The following ATP2C2 variants were observed in gnomAD, a reference collection of about 807,000 sequenced individuals.
ATP2C2 encodes the protein calcium-transporting ATPase type 2C member 2.
ATP2C2 carries 171 observed loss-of-function variants against 110.8 expected under a neutral mutation model. The ratio of observed to expected loss-of-function variants is 1.54; its 90% CI spans 1.36 to 1.75. The LOEUF (loss-of-function observed/expected upper bound fraction) is 1.75, where lower values mean the gene tolerates loss of function less well. ATP2C2 is among the 40% of genes most tolerant of loss of function. ATP2C2 has a pLI of 0.00. For synonymous variants in ATP2C2, 804 were observed against 508.4 expected (o/e 1.58, Z -7.82); for missense variants, 1,963 against 1,235.0 (o/e 1.59, Z -8.84).
chr16:84,443,603 A>T (rs1909469207), intron 15 of ATP2C2, among the ~76,000 whole-genome samples: 1 of 151,904 alleles, frequency 6.6e-6, no homozygotes, highest in Non-Finnish European at 1.5e-5. Flanking sequence ...CTTTCTCTTC[A>T]AGTTCACTCC....
In ATP2C2 at chr16:84,442,591, G is replaced by A. The variant is rs1272442871; in HGVS notation, c.1393G>A (p.Ala465Thr). ...QPTEGALMAL[A>T]MKMDLSDIKN... ...CACCGAGGGTGCATTGATGGCCCTG[G>A]CGATGAAGGTAGGAGGTCCTGGGGT... Residue 465 changes from alanine (A) to threonine (T), a missense_variant, in exon 15 of 27, where the codon GCG becomes ACG. Coordinates refer to ENST00000262429, the MANE Select transcript of ATP2C2 (RefSeq NM_014861.4). 3.1e-6 allele frequency: 5 copies of A among 1,614,036 alleles called. No homozygotes were observed. In the East Asian group the frequency reaches 8.9e-5, roughly 29 times the overall value.
intron 1 of ATP2C2, among the ~76,000 whole-genome samples, chr16:84,395,153 G>A (rs1290649631): frequency 6.6e-6 from 1 of 152,140 alleles, no homozygotes; most frequent in Non-Finnish European, 1.5e-5. Context: ...AGCTGGGAGT[G>A]TGTAGGTGGC....
chr16:84,400,861 G>A (rs544956400), intron 2 of ATP2C2, among the ~76,000 whole-genome samples: 28 of 152,306 alleles, frequency 1.8e-4, no homozygotes, highest in South Asian at 8.3e-4. Flanking sequence ...CCATTCATAT[G>A]TCTTCTTTTG....
chr16:84,382,268 G>C (rs912325260), intron 1 of ATP2C2, among the ~76,000 whole-genome samples: 1 of 152,180 alleles, frequency 6.6e-6, no homozygotes. Flanking sequence ...AGTTTGCTGA[G>C]AATGATGGTT....
intron 2 of ATP2C2, among the ~76,000 whole-genome samples, chr16:84,402,392 G>A (rs1249055881): frequency 6.6e-6 from 1 of 152,132 alleles, no homozygotes; most frequent in Non-Finnish European, 1.5e-5. Context: ...TATCCTACGG[G>A]AAAAGCTTTC....
At chr16:84,458,498 A>T (rs1158403667) in intron 21 of ATP2C2, among the ~76,000 whole-genome samples, 19 of 5,818 alleles carry the variant, frequency 3.3e-3, no homozygotes, top group South Asian at 0.025. Flanking sequence ...AGTATAATAA[A>T]AAAAAAAAAA....
intron 20 of ATP2C2, among the ~76,000 whole-genome samples, chr16:84,454,132 T>G (rs171578): frequency 1 from 151,976 of 152,280 alleles, 75,838 homozygotes; most frequent in Middle Eastern, 1. Context: ...CTTTATTCCT[T>G]TTACTCAACT....
rs202116937 is a variant in ATP2C2, at chr16:84,461,780, G to T, written c.2548G>T (p.Asp850Tyr). The change falls in exon 25 of 27, where the codon GAT becomes TAT. Residue 850 changes from aspartate (D) to tyrosine (Y), a missense_variant. By Grantham distance (160) the Asp-to-Tyr change is radical (BLOSUM62 -3). Coordinates refer to ENST00000262429, the MANE Select transcript of ATP2C2 (RefSeq NM_014861.4). ...TMTFTCFVFF[D>Y]LFNALTCRSQ... ...GACGTTCACTTGTTTTGTGTTTTTC[G>T]ATCTCTTCAACGCCTTGACCTGCCG... 10 of 1,614,034 alleles carry T rather than the reference G, an allele frequency of 6.2e-6. No homozygotes were observed. In the African/African-American group the frequency reaches 6.7e-5, roughly 11 times the overall value.
chr16:84,462,365 T>C (rs951324340), intron 26 of ATP2C2: 1 of 502,738 alleles, frequency 2.0e-6, no homozygotes, highest in Non-Finnish European at 3.4e-6. Flanking sequence ...TAGTAGGGTC[T>C]GGGGCCCAAG....
intron 16 of ATP2C2, 88 bp from the exon 17 acceptor site, chr16:84,448,445 C>G: frequency 6.9e-7 from 1 of 1,458,594 alleles, no homozygotes; most frequent in Non-Finnish European, 9.3e-7. Flanking sequence ...CCGTGTGTGT[C>G]TTTGTAACCT....
chr16:84,461,668 G>T (rs1303736234), intron 24 of ATP2C2, 46 bp from the exon 25 acceptor site: 2 of 1,559,816 alleles, frequency 1.3e-6, no homozygotes, highest in Non-Finnish European at 1.8e-6. Context: ...CAGGATGGAG[G>T]TTGTCTCTTC....
In ATP2C2 at chr16:84,431,420, T is replaced by C. The variant is rs1468181568; in HGVS notation, c.986+5619T>C. On this transcript the variant is annotated intron_variant, in intron 11 of 26. Transcript: ENST00000262429. ...CTGAGGCAGGAGAATCGCTTGAACT[T>C]GGGAGGCAGAGGTTGCAGTGAGCCG... is the stretch of plus-strand genomic sequence containing the variant. 2.6e-5 allele frequency among the ~76,000 whole-genome samples: 4 copies of C among 151,862 alleles called. No homozygotes were observed. In the East Asian group the frequency reaches 7.7e-4, roughly 29 times the overall value.
chr16:84,436,425 G>A (rs1003024037), intron 11 of ATP2C2, among the ~76,000 whole-genome samples: 2 of 152,142 alleles, frequency 1.3e-5, no homozygotes, highest in African/African-American at 4.8e-5. Flanking sequence ...TGGCCCCAGG[G>A]CCTGGACCGG....
rs993561803 is a variant in ATP2C2 at position 84,461,643 on chromosome 16, C to T, written c.2482-71C>T. The T allele has an allele frequency of 2.9e-6, 4 of 1,382,586 alleles. No individual in the cohort carries two copies. In the East Asian group the frequency reaches 6.8e-5, roughly 24 times the overall value. The allele number at this position is 1,382,586 out of a possible 1,614,324, so 85.6% of individuals were successfully genotyped here. A position where few individuals can be genotyped will look rare whatever the true frequency, so the allele number is the denominator to read the frequency against. ...ATGCCCCAGGAGCAGTGAGGCAGGC[C>T]TGTGCCCTTTGGTTCAGGATGGAGG... On this transcript the variant is annotated intron_variant, in intron 24 of 26. Coordinates refer to ENST00000262429, the MANE Select transcript of ATP2C2 (RefSeq NM_014861.4).
chr16:84,393,961 G>A (rs939964612), intron 1 of ATP2C2, among the ~76,000 whole-genome samples: 1 of 149,462 alleles, frequency 6.7e-6, no homozygotes, highest in East Asian at 2.0e-4. Context: ...TTCAAGACCA[G>A]CCTGGGCAAC....
Position 84,449,001 on chromosome 16 carries a change from C to G in ATP2C2, c.1660+312C>G, listed in dbSNP as rs973420024. Among the ~76,000 whole-genome samples, 12 of 152,242 alleles carry G rather than the reference C, an allele frequency of 7.9e-5. No individual in the cohort carries two copies. In the East Asian group the frequency reaches 1.9e-3, roughly 24 times the overall value. ...CCCAATAGGTCTTTTTGCTCATTGCCTCTTGTCAGGAAAACCCGAAGTTCT... is the reference window on the plus strand; with the variant it reads ...CCCAATAGGTCTTTTTGCTCATTGCGTCTTGTCAGGAAAACCCGAAGTTCT... On this transcript the variant is annotated intron_variant, in intron 17 of 26. Transcript: ENST00000262429.
intron 17 of ATP2C2, among the ~76,000 whole-genome samples, chr16:84,449,901 G>A (rs1910101056): frequency 6.6e-6 from 1 of 152,234 alleles, no homozygotes; most frequent in Admixed American, 6.5e-5. Flanking sequence ...ATCTGCACCT[G>A]GCACTTGGGC....
rs1304636710 is a variant in ATP2C2 at position 84,447,525 on chromosome 16, C to G, written c.1504-1008C>G. Reference sequence around the variant, plus strand: ...AACGACAACATCTGGATGGTATTTTCAAAACAAGGTCACTATTTATAGTGT... The same window carrying G: ...AACGACAACATCTGGATGGTATTTTGAAAACAAGGTCACTATTTATAGTGT... On this transcript the variant is annotated intron_variant, in intron 16 of 26. Transcript: ENST00000262429. 2.0e-5 allele frequency among the ~76,000 whole-genome samples: 3 copies of G among 151,444 alleles called. No individual in the cohort carries two copies. The East Asian group carries it at 5.8e-4, about 29-fold the overall frequency.
chr16:84,383,735 C>CTGTGTGTGTGTGTGTGTGTGTGTGTG (rs143797673), intron 1 of ATP2C2, among the ~76,000 whole-genome samples: 10,250 of 136,868 alleles, frequency 0.075, 677 homozygotes, highest in South Asian at 0.12. Context: ...CTGAATACAT[C>CTGTGTGTGTGTGTGTGTGTGTGTGTG]TGTGTGTGTG....
Sources: gnomAD v4.1 joint callset for allele counts (sites outside exome capture counted in the v4.1 genomes callset) on GRCh38, gnomAD v4.1.1 for gene constraint, MANE v1.5 for transcripts, NCBI Gene and HGNC (gene_info 2026-07-23, HGNC 2026-07-21) for gene names.